RAB38: variants seen among roughly 807,000 people sequenced by gnomAD.
The protein encoded by RAB38 is RAB38, member RAS oncogene family.
A neutral mutation model predicts 18.4 loss-of-function variants in RAB38; 15 were observed. The observed-to-expected ratio is 0.82, with a 90% CI of 0.55 to 1.26. The LOEUF is 1.26. Ranked by LOEUF, RAB38 falls within the 50% of genes most tolerant of loss-of-function variation. The pLI, the probability that RAB38 is intolerant of heterozygous loss-of-function variation, is 0.00. For synonymous variants in RAB38, 101 were observed against 104.4 expected (o/e 0.97, Z 0.20); for missense variants, 294 against 267.4 (o/e 1.10, Z -0.69).
chr11:88,122,535 C>G (rs1942643396), intron 2 of RAB38, among the ~76,000 whole-genome samples: 1 of 152,156 alleles, frequency 6.6e-6, no homozygotes, highest in South Asian at 2.1e-4. Flanking sequence ...TAATTGCTAA[C>G]AATTATTGAA....
At chr11:87,976,322 G>GT in the RAB38 span, among the ~76,000 whole-genome samples, 1 of 140,400 alleles carries the variant, frequency 7.1e-6, no homozygotes, top group African/African-American at 2.6e-5. Flanking sequence ...ATATACCAGA[G>GT]TTTTTTATAT....
At chr11:88,057,216 T>C in the RAB38 span, among the ~76,000 whole-genome samples, 1 of 152,336 alleles carries the variant, frequency 6.6e-6, no homozygotes, top group East Asian at 1.9e-4. Context: ...TTTTGCTCTT[T>C]CCTCTGCCTG....
the RAB38 span, among the ~76,000 whole-genome samples, chr11:87,953,239 G>GAA: frequency 1.3e-5 from 2 of 152,298 alleles, no homozygotes; most frequent in South Asian, 4.1e-4. Flanking sequence ...AACAAGCAAA[G>GAA]AAAGAGTTCG....
At chr11:88,092,662 A>G in the RAB38 span, among the ~76,000 whole-genome samples, 1 of 151,808 alleles carries the variant, frequency 6.6e-6, no homozygotes, top group East Asian at 1.9e-4. Flanking sequence ...GTCAAAGAAT[A>G]TGTTATGTAT....
At chr11:87,976,774 A>G in the RAB38 span, among the ~76,000 whole-genome samples, 8 of 116,244 alleles carry the variant, frequency 6.9e-5, no homozygotes, top group African/African-American at 2.4e-4. Context: ...CATAATATAT[A>G]TTTATATATT....
the RAB38 span, among the ~76,000 whole-genome samples, chr11:88,045,439 G>A: frequency 6.6e-6 from 1 of 152,308 alleles, no homozygotes; most frequent in Non-Finnish European, 1.5e-5. Context: ...CATTCCTCCA[G>A]GCCTGCGTCC....
the RAB38 span, among the ~76,000 whole-genome samples, chr11:87,940,632 CAGAG>C: frequency 5.3e-5 from 8 of 150,984 alleles, no homozygotes; most frequent in East Asian, 2.0e-4. Context: ...ATATATATGA[CAGAG>C]AGAGAGAGAA....
At chr11:87,964,244 T>C in the RAB38 span, among the ~76,000 whole-genome samples, 103 of 152,254 alleles carry the variant, frequency 6.8e-4, 1 homozygote, top group African/African-American at 2.5e-3. Context: ...CAAGGACCGT[T>C]GCATTCGTGA....
the RAB38 span, among the ~76,000 whole-genome samples, chr11:87,927,519 T>C: frequency 6.6e-6 from 1 of 151,990 alleles, no homozygotes; most frequent in African/African-American, 2.4e-5. Flanking sequence ...TTAACCATAC[T>C]GTATACATGA....
At chr11:87,892,174 G>A in the RAB38 span, among the ~76,000 whole-genome samples, 7 of 151,728 alleles carry the variant, frequency 4.6e-5, no homozygotes, top group African/African-American at 1.4e-4. Flanking sequence ...CTGACAGCCT[G>A]GAAATAAAAA....
intron 1 of RAB38, among the ~76,000 whole-genome samples, chr11:88,162,769 G>A (rs937368323): frequency 3.9e-5 from 6 of 151,996 alleles, no homozygotes; most frequent in East Asian, 3.9e-4. Context: ...TTCTGAGGTC[G>A]CACTCTTAGA....
At chr11:88,088,462 T>A in the RAB38 span, among the ~76,000 whole-genome samples, 1 of 151,902 alleles carries the variant, frequency 6.6e-6, no homozygotes. Flanking sequence ...ATTTTGGTTG[T>A]AATTAATCAT....
chr11:87,835,247 T>C, the RAB38 span, among the ~76,000 whole-genome samples: 1 of 152,026 alleles, frequency 6.6e-6, no homozygotes, highest in African/African-American at 2.4e-5. Context: ...GCCAGAACTA[T>C]TGGATGAGTA....
the RAB38 span, among the ~76,000 whole-genome samples, chr11:87,947,680 T>C: frequency 0.19 from 29,431 of 152,134 alleles, 3,106 homozygotes; most frequent in South Asian, 0.37. Context: ...GTCACGTTTG[T>C]CAAAGATCAG....
At chr11:87,911,343 T>C in the RAB38 span, among the ~76,000 whole-genome samples, 6 of 152,212 alleles carry the variant, frequency 3.9e-5, no homozygotes, top group African/African-American at 1.4e-4. Flanking sequence ...AGGAATTGAA[T>C]CTATAGATCA....
the RAB38 span, among the ~76,000 whole-genome samples, chr11:87,931,689 T>A: frequency 2.0e-5 from 3 of 152,260 alleles, no homozygotes; most frequent in East Asian, 5.8e-4. Flanking sequence ...TTAGCTTTGA[T>A]GATTCAGAGA....
At chr11:87,857,192 CTCA>C in the RAB38 span, among the ~76,000 whole-genome samples, 14 of 152,266 alleles carry the variant, frequency 9.2e-5, no homozygotes, top group African/African-American at 3.4e-4. Context: ...AGGACAGGAA[CTCA>C]TCATTTTTTA....
the RAB38 span, among the ~76,000 whole-genome samples, chr11:87,953,565 T>TAATAA: frequency 6.6e-6 from 1 of 152,196 alleles, no homozygotes; most frequent in African/African-American, 2.4e-5. Flanking sequence ...TAAAATATAA[T>TAATAA]TGTTTACATT....
the RAB38 span, among the ~76,000 whole-genome samples, chr11:88,104,748 G>C: frequency 6.6e-6 from 1 of 152,076 alleles, no homozygotes; most frequent in African/African-American, 2.4e-5. Flanking sequence ...AAATGATTGT[G>C]TCTCTCCATA....
Sources: gnomAD v4.1 joint callset for allele counts (sites outside exome capture counted in the v4.1 genomes callset) on GRCh38, gnomAD v4.1.1 for gene constraint, MANE v1.5 for transcripts, NCBI Gene and HGNC (gene_info 2026-07-23, HGNC 2026-07-21) for gene names.